Variants in MYRIP observed in about 807,000 individuals in gnomAD.
MYRIP encodes myosin VIIA and Rab interacting protein.
Under a neutral mutation model 98.0 loss-of-function variants are expected in MYRIP, and 49 were observed. The observed-to-expected ratio is 0.50, with a 90% CI of 0.40 to 0.63. The LOEUF (loss-of-function observed/expected upper bound fraction) is 0.63. Among genes scored for constraint, MYRIP ranks in the 30% least tolerant of loss-of-function variants. The probability of loss-of-function intolerance (pLI) is 0.00; values close to 1 mark genes in which losing one functional copy is unlikely to be tolerated. For synonymous variants in MYRIP, 404 were observed against 409.5 expected, an observed-to-expected ratio of 0.99 and a Z score of 0.16; for missense variants, 1,004 against 1,058.2, an observed-to-expected ratio of 0.95 and a Z score of 0.71.
At chr3:40,057,293 A>G (rs1276469310) in intron 3 of MYRIP, among the ~76,000 whole-genome samples, 1 of 152,036 alleles carries the variant, frequency 6.6e-6, no homozygotes, top group Non-Finnish European at 1.5e-5. Flanking sequence ...TGTTCTTCAC[A>G]TTTTCCCTCA....
intron 2 of MYRIP, among the ~76,000 whole-genome samples, chr3:40,034,638 G>A (rs1947336393): frequency 6.7e-6 from 1 of 149,724 alleles, no homozygotes; most frequent in Admixed American, 6.6e-5. Flanking sequence ...CTGTAAACTA[G>A]TTCAACCATT....
chr3:40,061,134 G>A (rs899478043), intron 3 of MYRIP, among the ~76,000 whole-genome samples: 2 of 152,096 alleles, frequency 1.3e-5, no homozygotes, highest in African/African-American at 4.8e-5. Flanking sequence ...TTGTTATACA[G>A]GTAAACTTCT....
In MYRIP at chr3:40,162,803, G is replaced by T. The variant is rs757654930; in HGVS notation, c.543G>T (p.Gln181His). 13 of 1,613,796 alleles carry T rather than the reference G, an allele frequency of 8.1e-6. No individual in the cohort carries two copies. The Admixed American group carries it at 1.8e-4, about 23-fold the overall frequency. ...ISGSDSTFYR[Q>H]SEGHSVMDTL... ...GCAGTGATTCAACATTTTATAGGCA[G>T]TCAGAAGGTAAAGTTGCTTAAGAGT... Residue 181 changes from glutamine to histidine, a missense_variant, in exon 5 of 17, where the codon CAG becomes CAT. Around this residue, in one of 3 missense-constraint regions of MYRIP, gnomAD observed 880 missense variants for 907.7 expected, o/e 0.97. Transcript: ENST00000302541.
chr3:40,190,105 T>C lies in MYRIP; in HGVS notation c.1307T>C (p.Ile436Thr). Residue 436 changes from isoleucine (I) to threonine (T), a missense_variant, in exon 10 of 17, where the codon ATA (isoleucine) becomes ACA (threonine). Around this residue, in one of 3 missense-constraint regions of MYRIP, gnomAD observed 880 missense variants for 907.7 expected, o/e 0.97. Transcript: ENST00000302541. ...TQAQSSDQGP[I>T]AASPSSALSP... ...GCCCAGAGCTCTGACCAAGGCCCCA[T>C]AGCTGCCTCCCCATCCTCTGCACTC... 6.2e-7 allele frequency: 1 copy of C among 1,613,942 alleles called. No homozygotes were observed. The highest frequency in any genetic ancestry group is 8.5e-7 in the Non-Finnish European group (1 of 1,179,938).
intron 11 of MYRIP, among the ~76,000 whole-genome samples, chr3:40,218,876 T>C (rs973834905): frequency 6.6e-6 from 1 of 151,922 alleles, no homozygotes; most frequent in Admixed American, 6.6e-5. Context: ...ATGAGATTTT[T>C]TGCAAACTTG....
At chr3:40,034,093 A>G (rs1023572991) in intron 2 of MYRIP, among the ~76,000 whole-genome samples, 2 of 152,136 alleles carry the variant, frequency 1.3e-5, no homozygotes, top group Middle Eastern at 3.2e-3. Flanking sequence ...ACAGACTTAA[A>G]CGTTAGACCT....
intron 2 of MYRIP, among the ~76,000 whole-genome samples, chr3:39,998,988 A>G (rs944027378): frequency 6.6e-6 from 1 of 152,222 alleles, no homozygotes. Context: ...AGAAAGCTGA[A>G]ACTGGATCCC....
intron 2 of MYRIP, among the ~76,000 whole-genome samples, chr3:40,038,179 G>A (rs1559375310): frequency 6.6e-6 from 1 of 151,988 alleles, no homozygotes. Context: ...TTTTAAACCT[G>A]AGAATTATAA....
intron 3 of MYRIP, among the ~76,000 whole-genome samples, chr3:40,130,623 G>T (rs1372862175): frequency 1.3e-5 from 2 of 151,512 alleles, no homozygotes; most frequent in African/African-American, 2.4e-5. Flanking sequence ...CTCGTGATCC[G>T]CCCGCCTCGG....
chr3:40,231,924 A>T (rs1182336635), intron 11 of MYRIP, among the ~76,000 whole-genome samples: 1 of 152,208 alleles, frequency 6.6e-6, no homozygotes, highest in Non-Finnish European at 1.5e-5. Context: ...GCCCTTTCTA[A>T]AACAGACCTA....
chr3:40,099,291 T>A (rs1948894716), intron 3 of MYRIP, among the ~76,000 whole-genome samples: 1 of 152,240 alleles, frequency 6.6e-6, no homozygotes, highest in Non-Finnish European at 1.5e-5. Flanking sequence ...GCTATGCTTA[T>A]TAATAATAGT....
chr3:39,879,115 T>G (rs1438331028), intron 1 of MYRIP, among the ~76,000 whole-genome samples: 1 of 151,650 alleles, frequency 6.6e-6, no homozygotes, highest in Non-Finnish European at 1.5e-5. Context: ...TATAGATATA[T>G]ATGTAGAGGG....
chr3:40,064,071 A>G (rs1026248630), intron 3 of MYRIP, among the ~76,000 whole-genome samples: 4 of 152,152 alleles, frequency 2.6e-5, no homozygotes, highest in Non-Finnish European at 5.9e-5. Context: ...TTTAGGCAAG[A>G]CTAACTTCTG....
chr3:40,252,480 T>C (rs1238300490), intron 16 of MYRIP, among the ~76,000 whole-genome samples: 3 of 152,228 alleles, frequency 2.0e-5, no homozygotes, highest in East Asian at 1.9e-4. Context: ...GTATAGGCGA[T>C]AGAAATTTTT....
At chr3:40,109,154 G>A (rs1446055835) in intron 3 of MYRIP, among the ~76,000 whole-genome samples, 1 of 151,838 alleles carries the variant, frequency 6.6e-6, no homozygotes, top group East Asian at 1.9e-4. Context: ...AAGTTCTAGG[G>A]TACATGTGCG....
At position 40,044,078 on chromosome 3, in the gene MYRIP, G is replaced by T; in HGVS notation, c.139G>T (p.Gly47Cys). ...GCTGAAGCAGAAGCTGGATGAGGAA[G>T]GCAGCAAGTGCAGCATCCTCTCGAA... Reference protein sequence around the residue: ...SELKQKLDEEGSKCSILSKHQ... With the variant: ...SELKQKLDEECSKCSILSKHQ... Residue 47 changes from glycine (G) to cysteine (C), a missense_variant, in exon 3 of 17, where the codon GGC becomes TGC. Physicochemically the swap from Gly to Cys is radical, Grantham distance 159. Around this residue, in one of 3 missense-constraint regions of MYRIP, gnomAD observed 880 missense variants for 907.7 expected, o/e 0.97. Transcript: ENST00000302541. 6.2e-7 allele frequency: 1 copy of T among 1,614,010 alleles called. No homozygotes were observed. Among genetic ancestry groups the T allele is most frequent in the Admixed American group, 1.7e-5 (1 of 60,018 alleles).
chr3:39,999,658 C>T (rs1176743937), intron 2 of MYRIP, among the ~76,000 whole-genome samples: 3 of 152,126 alleles, frequency 2.0e-5, no homozygotes, highest in African/African-American at 7.2e-5. Flanking sequence ...CCATTTGACC[C>T]AGCAATCCCA....
At chr3:39,862,458 GA>G (rs1324545551) in intron 1 of MYRIP, among the ~76,000 whole-genome samples, 1 of 151,800 alleles carries the variant, frequency 6.6e-6, no homozygotes, top group Non-Finnish European at 1.5e-5. Context: ...CTAACAACAG[GA>G]TGACATAATC....
chr3:39,959,467 G>C (rs1368978438), intron 2 of MYRIP, among the ~76,000 whole-genome samples: 1 of 152,010 alleles, frequency 6.6e-6, no homozygotes, highest in East Asian at 1.9e-4. Context: ...GGTGGGAATT[G>C]AACAATGAGA....
Sources: allele counts gnomAD v4.1 joint callset (sites outside exome capture counted in the v4.1 genomes callset), GRCh38; gene constraint gnomAD v4.1.1; regional missense constraint gnomAD v4.1.1; transcripts MANE v1.5; gene names NCBI Gene and HGNC (gene_info 2026-07-23, HGNC 2026-07-21).